C19orf67: variants seen among roughly 807,000 people sequenced by gnomAD.
The protein encoded by C19orf67 is UPF0575 protein C19orf67.
A neutral mutation model predicts 41.4 loss-of-function variants in C19orf67; 28 were observed. That is an observed-to-expected ratio of 0.68 (90% CI 0.50 to 0.93). The LOEUF (loss-of-function observed/expected upper bound fraction) is 0.93. Ranked by LOEUF, C19orf67 falls within the 40% of genes least tolerant of loss-of-function variation. C19orf67 has a pLI of 0.00. For missense variants in C19orf67, 421 were observed against 467.0 expected (o/e 0.90, Z 0.91); for synonymous variants, 242 against 203.4 (o/e 1.19, Z -1.62).
chr19:14,085,636 CG>C lies in C19orf67; in HGVS notation c.-10del, dbSNP rs995716629. 17 of 1,290,454 alleles carry C rather than the reference CG, an allele frequency of 1.3e-5. No homozygotes were observed. In the African/African-American group the frequency reaches 2.2e-4, roughly 17 times the overall value. 79.9% of individuals were successfully genotyped at this position (1,290,454 alleles called of 1,614,324 possible). ...CACTGCTCTGTAGCCATGGTAGGGC[CG>C]GGGGGCGGGAACCTGAGCTCTTTAA... On this transcript the variant is annotated 5_prime_UTR_variant, in exon 1 of 6. Coordinates refer to ENST00000548523, the MANE Select transcript of C19orf67 (RefSeq NM_001277378.2).
chr19:14,082,739 C>G (rs558062310), intron 4 of C19orf67, 136 bp from the exon 5 acceptor site: 1 of 689,870 alleles, frequency 1.4e-6, no homozygotes, highest in South Asian at 2.5e-5. Flanking sequence ...GACTCCAAGG[C>G]CTTTTCTCCC....
At position 14,085,512 on chromosome 19, in the gene C19orf67, G is replaced by T; in HGVS notation, c.116C>A (p.Pro39His). The change falls in exon 1 of 6, where the codon CCC becomes CAC. Residue 39 changes from proline (P) to histidine (H), a missense_variant. This residue lies in a region of C19orf67 where 160 missense variants were observed against 139.2 expected (regional missense o/e 1.15). Coordinates refer to ENST00000548523, the MANE Select transcript of C19orf67 (RefSeq NM_001277378.2). Reference sequence around the variant, plus strand: ...AGATGGGTTCCCAGGCCTGCCAGGGGGCGTCGACCTGGAGGGGTCTCCGCA... The same window carrying T: ...AGATGGGTTCCCAGGCCTGCCAGGGTGCGTCGACCTGGAGGGGTCTCCGCA... ...PPCGDPSRST[P>H]PGRPGNPSEP... 1.3e-6 allele frequency: 2 copies of T among 1,535,336 alleles called. No individual in the cohort carries two copies. Among genetic ancestry groups the T allele is most frequent in the Non-Finnish European group, 1.7e-6 (2 of 1,146,670 alleles).
chr19:14,081,733 G>A lies in C19orf67; in HGVS notation c.*101C>T. The A allele has an allele frequency of 1.8e-6, 2 of 1,099,272 alleles. No homozygotes were observed. Among genetic ancestry groups the A allele is most frequent in the Non-Finnish European group, 2.5e-6 (2 of 814,336 alleles). 68.1% of individuals were successfully genotyped at this position (1,099,272 alleles called of 1,614,324 possible). ...TCAGCTCGGCCTGGCCCTTTGGAAGGCGAGGCCGGGCTGCACTGCGAGAAC... is the reference window on the plus strand; with the variant it reads ...TCAGCTCGGCCTGGCCCTTTGGAAGACGAGGCCGGGCTGCACTGCGAGAAC... On this transcript the variant is annotated 3_prime_UTR_variant, in exon 6 of 6. Coordinates refer to ENST00000548523, the MANE Select transcript of C19orf67 (RefSeq NM_001277378.2).
At position 14,081,702 on chromosome 19, in the gene C19orf67, G is replaced by A; in HGVS notation, c.*132C>T. 1.4e-6 allele frequency: 1 copy of A among 737,990 alleles called. No homozygotes were observed. The highest frequency in any genetic ancestry group is 2.0e-6 in the Non-Finnish European group (1 of 489,892). The allele number at this position is 737,990 out of a possible 1,614,324, so 45.7% of individuals were successfully genotyped here. ...CCACGGCCAAGCCGGACTCGGTGCAGACAGGTCAGCTCGGCCTGGCCCTTT... is the reference window on the plus strand; with the variant it reads ...CCACGGCCAAGCCGGACTCGGTGCAAACAGGTCAGCTCGGCCTGGCCCTTT... On this transcript the variant is annotated 3_prime_UTR_variant, in exon 6 of 6. Transcript: ENST00000548523.
chr19:14,081,840 C>T lies in C19orf67; in HGVS notation c.1071G>A (p.Gly357=). 1.3e-6 allele frequency: 2 copies of T among 1,531,592 alleles called. No individual in the cohort carries two copies. Among genetic ancestry groups the T allele is most frequent in the African/African-American group, 1.4e-5 (1 of 72,792 alleles). The allele number at this position is 1,531,592 out of a possible 1,614,324, so 94.9% of individuals were successfully genotyped here. Residue 357 remains glycine, a synonymous_variant, in exon 6 of 6, where the codon GGG becomes GGA. Transcript: ENST00000548523. ...CCTACCCTCTTCCCCAGGTTCAAGA[C>T]CCCTGCGCTGCCCACCCCGCAGGCC... The part of the protein sequence containing the change: ...AAGPAGWAAQ[G]S
In C19orf67 at chr19:14,083,485, TGA is replaced by T; in HGVS notation, c.581+18_581+19del. 6.5e-7 allele frequency: 1 copy of T among 1,533,990 alleles called. No homozygotes were observed. The highest frequency in any genetic ancestry group is 8.7e-7 in the Non-Finnish European group (1 of 1,145,112). On this transcript the variant is annotated intron_variant, in intron 3 of 5. Transcript: ENST00000548523. ...CCTTGGACTCCTTCATCCCCCCATC[TGA>T]GTCTCCTACCATTTTACCTAAGGGG...
chr19:14,085,317 T>C lies in C19orf67; in HGVS notation c.311A>G (p.Asp104Gly). 6.5e-7 allele frequency: 1 copy of C among 1,536,190 alleles called. No individual in the cohort carries two copies. The highest frequency in any genetic ancestry group is 8.7e-7 in the Non-Finnish European group (1 of 1,146,918). The change falls in exon 1 of 6, where the codon GAT becomes GGT. Residue 104 changes from aspartate to glycine, a missense_variant. By Grantham distance (94) the Asp-to-Gly change is moderately conservative. Transcript: ENST00000548523. ...CCTGTAGAGCAAGTAGCTCTGGAAA[T>C]CATCTGCCTTCTTCAGTAGGTAGCG... is the stretch of plus-strand genomic sequence containing the variant. The part of the protein sequence containing the change: ...QLRYLLKKAD[D>G]FQSYLLYSRD...
At chr19:14,084,542 C>A (rs548198907) in intron 1 of C19orf67, among the ~76,000 whole-genome samples, 3 of 151,610 alleles carry the variant, frequency 2.0e-5, no homozygotes, top group South Asian at 2.1e-4. Flanking sequence ...AACAAAAAAA[C>A]CCAGCCTCGG....
chr19:14,083,259 C>T lies in C19orf67; in HGVS notation c.745G>A (p.Gly249Arg), dbSNP rs747486809. The change falls in exon 4 of 6, where the codon GGA becomes AGA. Residue 249 changes from glycine (G) to arginine (R), a missense_variant. Transcript: ENST00000548523. Reference protein sequence around the residue: ...LEATPEAPGRGQDSLVDYYFL... With the variant: ...LEATPEAPGRRQDSLVDYYFL... Reference sequence around the variant, plus strand: ...TACTAATCCACAAGGGAATCTTGTCCCCGACCAGGGGCCTCTGGGGTGGCT... The same window carrying T: ...TACTAATCCACAAGGGAATCTTGTCTCCGACCAGGGGCCTCTGGGGTGGCT... 1 of 1,535,950 alleles carries T rather than the reference C, an allele frequency of 6.5e-7. No individual in the cohort carries two copies. Among genetic ancestry groups the T allele is most frequent in the East Asian group, 2.4e-5 (1 of 40,908 alleles).
chr19:14,082,282 A>C (rs1221159658), intron 5 of C19orf67, among the ~76,000 whole-genome samples, 187 bp downstream of exon 5: 1 of 152,160 alleles, frequency 6.6e-6, no homozygotes, highest in Non-Finnish European at 1.5e-5. Context: ...TTTCTTTGTT[A>C]AATGGGGCCA....
At position 14,085,775 on chromosome 19, in the gene C19orf67, G is replaced by A. The variant is rs1309183051; in HGVS notation, c.-148C>T. 3.2e-6 allele frequency: 2 copies of A among 629,796 alleles called. No homozygotes were observed. The highest frequency in any genetic ancestry group is 5.5e-6 in the Non-Finnish European group (2 of 364,090). 39.0% of individuals were successfully genotyped at this position (629,796 alleles called of 1,614,324 possible). ...CGCGCCGCCGCGCCGGGGGCCGTTC[G>A]CCTCTTTTGAATTTCAACACGCGGG... On this transcript the variant is annotated 5_prime_UTR_variant, in exon 1 of 6. Transcript: ENST00000548523.
chr19:14,082,017 G>C lies in C19orf67; in HGVS notation c.903-9C>G. 6.7e-7 allele frequency: 1 copy of C among 1,490,686 alleles called. No homozygotes were observed. Among genetic ancestry groups the C allele is most frequent in the Non-Finnish European group, 8.9e-7 (1 of 1,121,408 alleles). The allele number at this position is 1,490,686 out of a possible 1,614,324, so 92.3% of individuals were successfully genotyped here. A position where few individuals can be genotyped will look rare whatever the true frequency, so the allele number is the denominator to read the frequency against. Reference sequence around the variant, plus strand: ...GCTGCGGGCACAAAATCCTGGGGTGGGGGGGCCAGGGATAGACAGGCCTGG... The same window carrying C: ...GCTGCGGGCACAAAATCCTGGGGTGCGGGGGCCAGGGATAGACAGGCCTGG... On this transcript the variant is annotated splice_polypyrimidine_tract_variant and intron_variant, in intron 5 of 5. Coordinates refer to ENST00000548523, the MANE Select transcript of C19orf67 (RefSeq NM_001277378.2).
rs1599323251 is a variant in C19orf67, at chr19:14,085,705, C to A, written c.-78G>T. On this transcript the variant is annotated 5_prime_UTR_variant, in exon 1 of 6. Transcript: ENST00000548523. ...GGTTGGCCGCGGGTTCGACCCCGCC[C>A]CGGGAGCCTCCGACTGGCCCCTGCC... 8.1e-5 allele frequency: 86 copies of A among 1,064,288 alleles called. No individual in the cohort carries two copies. In the East Asian group the frequency reaches 2.2e-3, roughly 27 times the overall value. The allele number at this position is 1,064,288 out of a possible 1,614,324, so 65.9% of individuals were successfully genotyped here.
intron 1 of C19orf67, among the ~76,000 whole-genome samples, chr19:14,084,135 C>T (rs140639699): frequency 3.3e-5 from 5 of 152,276 alleles, no homozygotes; most frequent in African/African-American, 7.2e-5. Flanking sequence ...CAGTGGCTCA[C>T]GCCTGCAATC....
In C19orf67 at chr19:14,081,697, G is replaced by A; in HGVS notation, c.*137C>T. 1 of 695,522 alleles carries A rather than the reference G, an allele frequency of 1.4e-6. No individual in the cohort carries two copies. Among genetic ancestry groups the A allele is most frequent in the Non-Finnish European group, 2.2e-6 (1 of 453,862 alleles). The allele number at this position is 695,522 out of a possible 1,614,324, so 43.1% of individuals were successfully genotyped here. ...GGGCCCCACGGCCAAGCCGGACTCG[G>A]TGCAGACAGGTCAGCTCGGCCTGGC... On this transcript the variant is annotated 3_prime_UTR_variant, in exon 6 of 6. Coordinates refer to ENST00000548523, the MANE Select transcript of C19orf67 (RefSeq NM_001277378.2).
rs531991794 is a variant in C19orf67 at position 14,083,119 on chromosome 19, G to A, written c.767+118C>T. On this transcript the variant is annotated intron_variant, in intron 4 of 5. Coordinates refer to ENST00000548523, the MANE Select transcript of C19orf67 (RefSeq NM_001277378.2). ...GCCTCCCAAAGTGTTGGGATTACAG[G>A]CGTGAGCCACTGCCTCGGGCCCTGG... The A allele has an allele frequency of 2.6e-5, 22 of 851,784 alleles. No individual in the cohort carries two copies. The South Asian group carries it at 3.2e-4, about 12-fold the overall frequency. 52.8% of individuals were successfully genotyped at this position (851,784 alleles called of 1,614,324 possible).
Position 14,085,514 on chromosome 19 carries a change from C to T in C19orf67, c.114G>A (p.Thr38=). 6.5e-7 allele frequency: 1 copy of T among 1,535,292 alleles called. No individual in the cohort carries two copies. Among genetic ancestry groups the T allele is most frequent in the Non-Finnish European group, 8.7e-7 (1 of 1,146,650 alleles). ...TPPCGDPSRS[T]PPGRPGNPSE... is the part of the protein sequence containing the mutation. ...ATGGGTTCCCAGGCCTGCCAGGGGG[C>T]GTCGACCTGGAGGGGTCTCCGCAGG... Residue 38 remains threonine (T), a synonymous_variant, in exon 1 of 6, where the codon ACG becomes ACA. Coordinates refer to ENST00000548523, the MANE Select transcript of C19orf67 (RefSeq NM_001277378.2).
At position 14,081,625 on chromosome 19, in the gene C19orf67, C is replaced by T. The variant is rs1468834389; in HGVS notation, c.*209G>A. ...TTCGCAGCGGACGCTGAGCCTGTGA[C>T]CTCTTTCTTTCTTTTATTTAACACA... On this transcript the variant is annotated 3_prime_UTR_variant, in exon 6 of 6. Coordinates refer to ENST00000548523, the MANE Select transcript of C19orf67 (RefSeq NM_001277378.2). 3 of 421,514 alleles carry T rather than the reference C, an allele frequency of 7.1e-6. No homozygotes were observed. Among genetic ancestry groups the T allele is most frequent in the East Asian group, 7.2e-5 (2 of 27,628 alleles). The allele number at this position is 421,514 out of a possible 1,614,324, so 26.1% of individuals were successfully genotyped here. A position where few individuals can be genotyped will look rare whatever the true frequency, so the allele number is the denominator to read the frequency against.
At chr19:14,082,707 T>C in intron 4 of C19orf67, 104 bp from the exon 5 acceptor site, 2 of 1,126,162 alleles carry the variant, frequency 1.8e-6, no homozygotes, top group Non-Finnish European at 2.4e-6. Flanking sequence ...GAAGTTGCCC[T>C]GAAGTTCTCA....
Sources: gnomAD v4.1 joint callset for allele counts (sites outside exome capture counted in the v4.1 genomes callset) on GRCh38, gnomAD v4.1.1 for gene constraint, gnomAD v4.1.1 regional missense constraint, MANE v1.5 for transcripts, NCBI Gene and HGNC (gene_info 2026-07-23, HGNC 2026-07-21) for gene names.